The following HEATR9 variants were observed in gnomAD, a reference collection of about 807,000 sequenced individuals.
HEATR9 encodes the protein protein HEATR9.
A neutral mutation model predicts 68.2 loss-of-function variants in HEATR9; 54 were observed. That is an observed-to-expected ratio of 0.79 (90% CI 0.64 to 0.99). HEATR9 has a LOEUF of 0.99. Among genes scored for constraint, HEATR9 ranks in the 50% least tolerant of loss-of-function variants. HEATR9 has a pLI of 0.00. For missense variants in HEATR9, 662 were observed against 679.7 expected (o/e 0.97, Z 0.29); for synonymous variants, 241 against 253.5 (o/e 0.95, Z 0.47).
chr17:35,855,282 T>C lies in HEATR9; in HGVS notation c.1494A>G (p.Lys498=). ...NVKAEPTRFQ[K]EPENPEELTI... ...TTAACTCTTCTGGGTTCTCAGGCTC[T>C]TTCTGGAACCTTGTGGGCTCTGCCT... The change falls in exon 15 of 15, where the codon AAA becomes AAG. Residue 498 remains lysine (K), a synonymous_variant. Coordinates refer to ENST00000604834, the MANE Select transcript of HEATR9 (RefSeq NM_152781.4). The C allele has an allele frequency of 6.2e-7, 1 of 1,614,232 alleles. No homozygotes were observed. Among genetic ancestry groups the C allele is most frequent in the Non-Finnish European group, 8.5e-7 (1 of 1,180,018 alleles).
At chr17:35,856,590 C>G in intron 12 of HEATR9, 142 bp downstream of exon 12, 2 of 793,446 alleles carry the variant, frequency 2.5e-6, no homozygotes, top group South Asian at 3.2e-5. Context: ...GGGGCATGGG[C>G]AAGGGAGAAC....
chr17:35,864,027 A>G (rs568702035), intron 6 of HEATR9: 119 of 583,160 alleles, frequency 2.0e-4, no homozygotes, highest in Non-Finnish European at 3.3e-4. Flanking sequence ...CGGTTAGACC[A>G]GGGAGATCTT....
chr17:35,857,675 C>A (rs772515294), intron 11 of HEATR9, among the ~76,000 whole-genome samples: 10 of 151,956 alleles, frequency 6.6e-5, no homozygotes, highest in Non-Finnish European at 1.0e-4. Flanking sequence ...AGGAGAATGG[C>A]GTGAACCCAG....
chr17:35,862,025 T>TTTTA (rs1046992964), intron 8 of HEATR9, among the ~76,000 whole-genome samples: 2 of 151,738 alleles, frequency 1.3e-5, no homozygotes, highest in African/African-American at 4.8e-5. Context: ...CTGGCTAAGT[T>TTTTA]TTTATTTATT....
In HEATR9 at chr17:35,858,757, T is replaced by C. The variant is rs190272527; in HGVS notation, c.939+131A>G. ...ATATGTCCATATGACCCCATACTCATACATGGACATAGTCATAAGCACACA... is the reference window on the plus strand; with the variant it reads ...ATATGTCCATATGACCCCATACTCACACATGGACATAGTCATAAGCACACA... On this transcript the variant is annotated intron_variant, in intron 9 of 14. Transcript: ENST00000604834. 5.0e-5 allele frequency: 52 copies of C among 1,036,756 alleles called. No individual in the cohort carries two copies. The East Asian group carries it at 1.2e-3, about 23-fold the overall frequency. 64.2% of individuals were successfully genotyped at this position (1,036,756 alleles called of 1,614,324 possible).
intron 12 of HEATR9, 32 bp from the exon 13 acceptor site, chr17:35,856,256 G>T: frequency 6.2e-7 from 1 of 1,613,962 alleles, no homozygotes; most frequent in Non-Finnish European, 8.5e-7. Context: ...TGTTATAGTT[G>T]AATTAAGGAG....
chr17:35,864,200 G>C (rs750200133), intron 6 of HEATR9, 46 bp downstream of exon 6: 2 of 1,526,426 alleles, frequency 1.3e-6, no homozygotes, highest in Non-Finnish European at 1.8e-6. Context: ...ACACATCTCA[G>C]ACCCTGTTTC....
At chr17:35,866,659 G>T (rs2088205940) in intron 2 of HEATR9, 65 bp downstream of exon 2, 1 of 1,448,894 alleles carries the variant, frequency 6.9e-7, no homozygotes, top group Non-Finnish European at 9.7e-7. Context: ...TAATGGGAAG[G>T]GATAGTTTGC....
In HEATR9 at chr17:35,864,810, C is replaced by T. The variant is rs199783208; in HGVS notation, c.401G>A (p.Arg134Gln). Residue 134 changes from arginine to glutamine, a missense_variant, in exon 4 of 15, where the codon CGA becomes CAA. Coordinates refer to ENST00000604834, the MANE Select transcript of HEATR9 (RefSeq NM_152781.4). ...CTGGGTAGGCTCTAAGGGCCTGGAT[C>T]GCATCTCAGATTTTATAGTCAGCTT... ...MSKLTIKSEMRSRPLEPTQDP... is the reference protein window; with the variant it reads ...MSKLTIKSEMQSRPLEPTQDP... 90 of 1,614,032 alleles carry T rather than the reference C, an allele frequency of 5.6e-5. No individual in the cohort carries two copies. The highest frequency in any genetic ancestry group is 6.4e-5 in the Non-Finnish European group (76 of 1,180,042).
At chr17:35,863,445 A>G (rs767733905) in intron 7 of HEATR9, 57 bp downstream of exon 7, 3 of 1,563,404 alleles carry the variant, frequency 1.9e-6, no homozygotes, top group Non-Finnish European at 2.6e-6. Flanking sequence ...GTCCTTACCC[A>G]AAGGAGAAAG....
intron 14 of HEATR9, 96 bp downstream of exon 14, chr17:35,855,563 CCCTCT>C: frequency 7.6e-7 from 1 of 1,322,964 alleles, no homozygotes; most frequent in Non-Finnish European, 1.1e-6. Context: ...GGGCTCATGA[CCCTCT>C]CCTCCTGACA....
rs77490223 is a variant in HEATR9 at position 35,857,852 on chromosome 17, G to A, written c.1152+348C>T. Among the ~76,000 whole-genome samples the A allele has an allele frequency of 3.4e-3, 519 of 152,312 alleles. 4 individuals carry two copies. The highest frequency in any genetic ancestry group is 0.012 in the African/African-American group (498 of 41,576). On this transcript the variant is annotated intron_variant, in intron 11 of 14. Transcript: ENST00000604834. ...CATAGAGGAAGGTAGGGTTAATGCT[G>A]ATTGGTGATTTGGGAAAGCTTCCCA...
chr17:35,863,032 A>G lies in HEATR9; in HGVS notation c.719T>C (p.Met240Thr). ...GACAGCAGCCCAGGAGTTAAGAGCC[A>G]TTCGTAGCCCCGTCAAAGTCTCCAT... The part of the protein sequence containing the change: ...QRMETLTGLR[M>T]ALNSWAAVSK... Residue 240 changes from methionine (M) to threonine (T), a missense_variant, in exon 8 of 15, where the codon ATG becomes ACG. By Grantham distance (81) the Met-to-Thr change is moderately conservative. Coordinates refer to ENST00000604834, the MANE Select transcript of HEATR9 (RefSeq NM_152781.4). The G allele has an allele frequency of 6.2e-7, 1 of 1,614,198 alleles. No homozygotes were observed. Among genetic ancestry groups the G allele is most frequent in the South Asian group, 1.1e-5 (1 of 91,078 alleles).
intron 8 of HEATR9, among the ~76,000 whole-genome samples, chr17:35,859,924 T>C (rs183548512): frequency 1.3e-5 from 2 of 152,214 alleles, no homozygotes; most frequent in Non-Finnish European, 2.9e-5. Context: ...TCAAAGCAAC[T>C]AGAAAGGAAG....
intron 2 of HEATR9, among the ~76,000 whole-genome samples, chr17:35,865,965 A>T (rs2088185223): frequency 6.6e-6 from 1 of 152,230 alleles, no homozygotes; most frequent in African/African-American, 2.4e-5. Flanking sequence ...ATAATCTATC[A>T]CTTAAACAAT....
intron 2 of HEATR9, 56 bp downstream of exon 2, chr17:35,866,668 G>C (rs752657424): frequency 8.3e-5 from 124 of 1,502,974 alleles, no homozygotes; most frequent in Non-Finnish European, 1.1e-4. Context: ...GGGATAGTTT[G>C]CTGCCCCTCC....
At chr17:35,867,343 G>A (rs1308095914) in intron 1 of HEATR9, among the ~76,000 whole-genome samples, 2 of 150,402 alleles carry the variant, frequency 1.3e-5, no homozygotes, top group African/African-American at 4.9e-5. Flanking sequence ...GCTGAGGCAG[G>A]AGAGTCTCTT....
At chr17:35,863,425 T>C in intron 7 of HEATR9, 77 bp downstream of exon 7, 1 of 1,443,094 alleles carries the variant, frequency 6.9e-7, no homozygotes, top group Non-Finnish European at 9.8e-7. Context: ...TGTATGCTCC[T>C]CACCCATTTG....
intron 8 of HEATR9, among the ~76,000 whole-genome samples, chr17:35,859,312 T>G (rs998528890): frequency 2.6e-5 from 4 of 152,172 alleles, no homozygotes; most frequent in Admixed American, 6.5e-5. Context: ...TTCCTGTCAT[T>G]TAAAAGAATA....
Sources: gnomAD v4.1 joint callset for allele counts (sites outside exome capture counted in the v4.1 genomes callset) on GRCh38, gnomAD v4.1.1 for gene constraint, MANE v1.5 for transcripts, NCBI Gene and HGNC (gene_info 2026-07-23, HGNC 2026-07-21) for gene names.